MCL1: variants seen among roughly 807,000 people sequenced by gnomAD.
The protein encoded by MCL1 is MCL1 apoptosis regulator, BCL2 family member.
Under a neutral mutation model 24.2 loss-of-function variants are expected in MCL1, and 4 were observed. The ratio of observed to expected loss-of-function variants is 0.17; its 90% CI spans 0.08 to 0.38. The LOEUF (loss-of-function observed/expected upper bound fraction) is 0.38. MCL1 is among the 10% of genes least tolerant of loss of function. The probability of loss-of-function intolerance (pLI) is 1.00; values close to 1 mark genes in which losing one functional copy is unlikely to be tolerated. For missense variants in MCL1, 529 were observed against 480.3 expected (o/e 1.10, Z -0.95); for synonymous variants, 248 against 214.0 (o/e 1.16, Z -1.39).
chr1:150,575,032 A>G lies in MCL1; in HGVS notation c.*2343T>C. ...CACAGTCATACCTAATGAATTGGGA[A>G]GTGGGGCCCCTAAAAACCAATTCAC... On this transcript the variant is annotated 3_prime_UTR_variant, in exon 3 of 3. Transcript: ENST00000369026. 4.3e-6 allele frequency: 1 copy of G among 233,266 alleles called. No homozygotes were observed. Among genetic ancestry groups the G allele is most frequent in the Non-Finnish European group, 8.5e-6 (1 of 117,882 alleles). 14.4% of individuals were successfully genotyped at this position (233,266 alleles called of 1,614,324 possible). A position where few individuals can be genotyped will look rare whatever the true frequency, so the allele number is the denominator to read the frequency against.
chr1:150,578,785 G>C (rs587650490), intron 1 of MCL1, 58 bp downstream of exon 1: 4 of 1,553,264 alleles, frequency 2.6e-6, no homozygotes, highest in African/African-American at 2.7e-5. Flanking sequence ...TGGCGGGTGA[G>C]TCCGGGGAGA....
intron 2 of MCL1, 113 bp downstream of exon 2, chr1:150,578,128 TAGA>T: frequency 8.9e-7 from 1 of 1,128,212 alleles, no homozygotes; most frequent in Non-Finnish European, 1.3e-6. Context: ...GTCCTTTAGT[TAGA>T]GCCTGCAAAC....
Position 150,579,392 on chromosome 1 carries a change from C to T in MCL1, c.139G>A (p.Glu47Lys). 1 of 1,551,520 alleles carries T rather than the reference C, an allele frequency of 6.4e-7. No individual in the cohort carries two copies. The highest frequency in any genetic ancestry group is 1.2e-5 in the South Asian group (1 of 84,938). ...ATEKEASARR[E>K]IGGGEAGAVI... ...GCGCCGGCCTCCCCTCCCCCTATCTCTCGCCGGGCCGAGGCCTCCTTCTCC... is the reference window on the plus strand; with the variant it reads ...GCGCCGGCCTCCCCTCCCCCTATCTTTCGCCGGGCCGAGGCCTCCTTCTCC... The change falls in exon 1 of 3, where the codon GAG (glutamate) becomes AAG (lysine). Residue 47 changes from glutamate to lysine, a missense_variant. Transcript: ENST00000369026.
chr1:150,577,337 T>C lies in MCL1; in HGVS notation c.*38A>G, dbSNP rs775760925. On this transcript the variant is annotated 3_prime_UTR_variant, in exon 3 of 3. Transcript: ENST00000369026. The stretch of plus-strand genomic sequence containing the variant: ...CATAAACTGGTTTTGGTGGTGGTGG[T>C]GGTTGGTTAAAAGTCAACTATTGCA... The C allele has an allele frequency of 2.5e-6, 4 of 1,606,214 alleles. No homozygotes were observed. In the African/African-American group the frequency reaches 5.4e-5, roughly 22 times the overall value.
rs1352760551 is a variant in MCL1 at position 150,577,382 on chromosome 1, A to G, written c.1046T>C (p.Ile349Thr). The G allele has an allele frequency of 6.2e-7, 1 of 1,613,350 alleles. No homozygotes were observed. The highest frequency in any genetic ancestry group is 1.3e-5 in the African/African-American group (1 of 74,886). Residue 349 changes from isoleucine (I) to threonine (T), a missense_variant, in exon 3 of 3, where the codon ATA becomes ACA. Coordinates refer to ENST00000369026, the MANE Select transcript of MCL1 (RefSeq NM_021960.5). ...AGVGAGLAYL[I>T]R ...ATTGCACTTACAGTAAGGCTATCTT[A>G]TTAGATATGCCAAACCAGCTCCTAC...
chr1:150,577,574 T>C, intron 2 of MCL1, 83 bp from the exon 3 acceptor site: 2 of 1,394,482 alleles, frequency 1.4e-6, no homozygotes, highest in Non-Finnish European at 1.9e-6. Context: ...GAAGGTAAAT[T>C]AAAATATCTA....
intron 1 of MCL1, 79 bp from the exon 2 acceptor site, chr1:150,578,570 G>A (rs2101696706): frequency 6.4e-7 from 1 of 1,552,676 alleles, no homozygotes; most frequent in Non-Finnish European, 8.8e-7. Context: ...ACCCGCGGCG[G>A]GAAAATCGCT....
At position 150,579,571 on chromosome 1, in the gene MCL1, G is replaced by C. The variant is rs1647997243; in HGVS notation, c.-41C>G. The C allele has an allele frequency of 6.4e-7, 1 of 1,562,358 alleles. No individual in the cohort carries two copies. The highest frequency in any genetic ancestry group is 8.7e-7 in the Non-Finnish European group (1 of 1,152,860). On this transcript the variant is annotated 5_prime_UTR_variant, in exon 1 of 3. Transcript: ENST00000369026. ...CCGCCTGGCTGAGAAAACTGGGGAA[G>C]ACCCCGACTCCTTACTGGAAGGAAG... is the stretch of plus-strand genomic sequence containing the variant.
chr1:150,578,800 G>C, intron 1 of MCL1, 43 bp downstream of exon 1: 1 of 1,573,278 alleles, frequency 6.4e-7, no homozygotes, highest in Non-Finnish European at 8.6e-7. Context: ...GGGAGAGATG[G>C]AAAAAAGGGA....
chr1:150,576,786 T>G lies in MCL1; in HGVS notation c.*589A>C, dbSNP rs1647825529. ...AAGTATTATTGGTGATAAACTAGGC[T>G]AATAAAGTAAGAATCATGGAAACCA... On this transcript the variant is annotated 3_prime_UTR_variant, in exon 3 of 3. Transcript: ENST00000369026. The G allele has an allele frequency of 8.6e-6, 2 of 232,704 alleles. No homozygotes were observed. The highest frequency in any genetic ancestry group is 1.7e-5 in the Non-Finnish European group (2 of 117,634). The allele number at this position is 232,704 out of a possible 1,614,324, so 14.4% of individuals were successfully genotyped here.
rs1276136742 is a variant in MCL1, at chr1:150,575,767, A to T, written c.*1608T>A. 1.3e-5 allele frequency: 3 copies of T among 233,076 alleles called. No individual in the cohort carries two copies. Among genetic ancestry groups the T allele is most frequent in the Non-Finnish European group, 2.5e-5 (3 of 118,008 alleles). 14.4% of individuals were successfully genotyped at this position (233,076 alleles called of 1,614,324 possible). On this transcript the variant is annotated 3_prime_UTR_variant, in exon 3 of 3. Transcript: ENST00000369026. ...AGGGGTTTCACAGTGCCAAAATCTA[A>T]AAGGGCTAGAAAGAGTTCAGGGATG...
At position 150,578,823 on chromosome 1, in the gene MCL1, C is replaced by T. The variant is rs1276980988; in HGVS notation, c.688+20G>A. 1 of 1,596,334 alleles carries T rather than the reference C, an allele frequency of 6.3e-7. No homozygotes were observed. Among genetic ancestry groups the T allele is most frequent in the South Asian group, 1.1e-5 (1 of 89,948 alleles). On this transcript the variant is annotated intron_variant, in intron 1 of 2. Coordinates refer to ENST00000369026, the MANE Select transcript of MCL1 (RefSeq NM_021960.5). ...TGGAAAAAAGGGAGTGAGGCCTTGG[C>T]GATTAATGAACCCCCTTACCTTGGA...
rs2101699185 is a variant in MCL1, at chr1:150,579,160, T to A, written c.371A>T (p.Glu124Val). The change falls in exon 1 of 3, where the codon GAG becomes GTG. Residue 124 changes from glutamate (E) to valine (V), a missense_variant. Coordinates refer to ENST00000369026, the MANE Select transcript of MCL1 (RefSeq NM_021960.5). ...CTCCGGCTCGTACCCGTCCAGCTCC[T>A]CTTCGGGCGACATGATGGCGTCAGC... ...PAADAIMSPE[E>V]ELDGYEPEPL... The A allele has an allele frequency of 6.2e-7, 1 of 1,610,422 alleles. No individual in the cohort carries two copies. Among genetic ancestry groups the A allele is most frequent in the East Asian group, 2.2e-5 (1 of 44,812 alleles).
Position 150,579,388 on chromosome 1 carries a change from A to C in MCL1, c.143T>G (p.Ile48Arg), listed in dbSNP as rs765410863. ...CACCGCGCCGGCCTCCCCTCCCCCT[A>C]TCTCTCGCCGGGCCGAGGCCTCCTT... is the stretch of plus-strand genomic sequence containing the variant. Reference protein sequence around the residue: ...TEKEASARREIGGGEAGAVIG... With the variant: ...TEKEASARRERGGGEAGAVIG... The change falls in exon 1 of 3, where the codon ATA (isoleucine) becomes AGA (arginine). Residue 48 changes from isoleucine (I) to arginine (R), a missense_variant. Physicochemically the swap from Ile to Arg is moderately conservative, Grantham distance 97. Coordinates refer to ENST00000369026, the MANE Select transcript of MCL1 (RefSeq NM_021960.5). 1.8e-5 allele frequency: 28 copies of C among 1,545,406 alleles called. No individual in the cohort carries two copies. Among genetic ancestry groups the C allele is most frequent in the South Asian group, 3.6e-5 (3 of 84,086 alleles).
rs1324396727 is a variant in MCL1, at chr1:150,579,480, C to G, written c.51G>C (p.Gly17=). The change falls in exon 1 of 3, where the codon GGG becomes GGC. Residue 17 remains glycine, a synonymous_variant. Coordinates refer to ENST00000369026, the MANE Select transcript of MCL1 (RefSeq NM_021960.5). ...NAVIGLNLYC[G]GAGLGAGSGG... The stretch of plus-strand genomic sequence containing the variant: ...CGCTGCCGGCCCCCAAGCCGGCCCC[C>G]CCACAGTAGAGGTTGAGTCCGATTA... The G allele has an allele frequency of 1.9e-6, 3 of 1,595,380 alleles. No individual in the cohort carries two copies. Among genetic ancestry groups the G allele is most frequent in the East Asian group, 2.4e-5 (1 of 41,932 alleles).
intron 1 of MCL1, 89 bp downstream of exon 1, chr1:150,578,754 T>C: frequency 1.4e-6 from 2 of 1,411,270 alleles, no homozygotes; most frequent in South Asian, 2.6e-5. Context: ...CACTGACTCG[T>C]TTCGGTTTCC....
Position 150,577,220 on chromosome 1 carries a change from T to TAA in MCL1, c.*154_*155insTT. On this transcript the variant is annotated 3_prime_UTR_variant, in exon 3 of 3. Transcript: ENST00000369026. ...ATGGGGAGCACTCTTCCCATGTATT[T>TAA]ATTCTTGTTAGCCATAATCCTCTTG... 1.1e-6 allele frequency: 1 copy of TAA among 905,898 alleles called. No individual in the cohort carries two copies. The highest frequency in any genetic ancestry group is 2.6e-5 in the East Asian group (1 of 39,028). The allele number at this position is 905,898 out of a possible 1,614,324, so 56.1% of individuals were successfully genotyped here.
rs1647857557 is a variant in MCL1, at chr1:150,577,437, C to T, written c.991G>A (p.Val331Met). The part of the protein sequence containing the change: ...VEDLEGGIRN[V>M]LLAFAGVAGV... ...GCAACACCTGCAAAAGCCAGCAGCA[C>T]ATTCCTGATGCCACCTTCTAGGTCC... Residue 331 changes from valine to methionine, a missense_variant, in exon 3 of 3, where the codon GTG becomes ATG. Coordinates refer to ENST00000369026, the MANE Select transcript of MCL1 (RefSeq NM_021960.5). 1 of 1,614,008 alleles carries T rather than the reference C, an allele frequency of 6.2e-7. No individual in the cohort carries two copies. Among genetic ancestry groups the T allele is most frequent in the Non-Finnish European group, 8.5e-7 (1 of 1,179,956 alleles).
At position 150,579,257 on chromosome 1, in the gene MCL1, T is replaced by A. The variant is rs1289055991; in HGVS notation, c.274A>T (p.Thr92Ser). 1.3e-6 allele frequency: 2 copies of A among 1,509,352 alleles called. No individual in the cohort carries two copies. Among genetic ancestry groups the A allele is most frequent in the South Asian group, 1.3e-5 (1 of 76,692 alleles). 93.5% of individuals were successfully genotyped at this position (1,509,352 alleles called of 1,614,324 possible). Residue 92 changes from threonine (T) to serine (S), a missense_variant, in exon 1 of 3, where the codon ACC becomes TCC. Transcript: ENST00000369026. ...GCGAAGAAAAGCAGCCTCGCGGGGG[T>A]CGCGGTGACGTCGGGGACCTCGGCG... ...IGAEVPDVTA[T>S]PARLLFFAPT...
Sources: gnomAD v4.1 joint callset for allele counts on GRCh38, gnomAD v4.1.1 for gene constraint, MANE v1.5 for transcripts, NCBI Gene and HGNC (gene_info 2026-07-23, HGNC 2026-07-21) for gene names.